The following NRXN3 variants were observed in gnomAD, a reference collection of about 807,000 sequenced individuals.
NRXN3 encodes neurexin III.
NRXN3 carries 32 observed loss-of-function variants against 137.6 expected under a neutral mutation model. The ratio of observed to expected loss-of-function variants is 0.23; its 90% CI spans 0.18 to 0.31. NRXN3 has a LOEUF of 0.31. Ranked by LOEUF, NRXN3 falls within the 10% of genes least tolerant of loss-of-function variation. The pLI, the probability that NRXN3 is intolerant of heterozygous loss-of-function variation, is 1.00. For synonymous variants in NRXN3, 798 were observed against 784.5 expected, an observed-to-expected ratio of 1.02 and a Z score of -0.29; for missense variants, 1,574 against 2,062.5, an observed-to-expected ratio of 0.76 and a Z score of 4.59.
chr14:79,703,591 C>G (rs187765987), intron 19 of NRXN3, among the ~76,000 whole-genome samples: 1 of 152,086 alleles, frequency 6.6e-6, no homozygotes, highest in Non-Finnish European at 1.5e-5. Context: ...AGGAAACTTA[C>G]AATCATGATG....
rs147058490 is a variant in NRXN3, at chr14:78,990,870, G to T, written c.3262+2729G>T. 2.8e-3 allele frequency among the ~76,000 whole-genome samples: 420 copies of T among 152,282 alleles called. 2 individuals carry two copies. Among genetic ancestry groups the T allele is most frequent in the African/African-American group, 9.2e-3 (381 of 41,556 alleles). On this transcript the variant is annotated intron_variant, in intron 15 of 20. Transcript: ENST00000335750. Reference sequence around the variant, plus strand: ...TTGGAACTAGCAGCAAAGCCAGTTTGTTCTACCTAGAAAAAGCAGTCTCAC... The same window carrying T: ...TTGGAACTAGCAGCAAAGCCAGTTTTTTCTACCTAGAAAAAGCAGTCTCAC...
chr14:78,788,462 T>A (rs993102940), intron 8 of NRXN3, among the ~76,000 whole-genome samples: 3 of 152,168 alleles, frequency 2.0e-5, no homozygotes, highest in African/African-American at 4.8e-5. Flanking sequence ...GTCTTCTGTA[T>A]TTCAGTTGAG....
chr14:79,160,644 T>A (rs967257340), intron 15 of NRXN3, among the ~76,000 whole-genome samples: 5 of 151,778 alleles, frequency 3.3e-5, no homozygotes, highest in Admixed American at 2.6e-4. Flanking sequence ...CACGAAAAAA[T>A]TATCCCAGCT....
intron 8 of NRXN3, among the ~76,000 whole-genome samples, chr14:78,802,618 C>T (rs1472564570): frequency 2.0e-5 from 3 of 152,134 alleles, no homozygotes; most frequent in African/African-American, 7.2e-5. Context: ...AACAAATTGT[C>T]GGTAACCTCA....
chr14:78,776,426 G>A (rs1027186157), intron 8 of NRXN3, among the ~76,000 whole-genome samples: 2 of 151,970 alleles, frequency 1.3e-5, no homozygotes, highest in African/African-American at 2.4e-5. Flanking sequence ...GTATAAACCC[G>A]AGCAGATAAT....
At chr14:79,067,616 C>A (rs191439255) in intron 15 of NRXN3, among the ~76,000 whole-genome samples, 1 of 152,044 alleles carries the variant, frequency 6.6e-6, no homozygotes, top group East Asian at 1.9e-4. Context: ...AGTTGGTAGG[C>A]TATTCTCTAC....
chr14:78,709,715 T>G, intron 7 of NRXN3, 60 bp downstream of exon 7: 1 of 1,485,178 alleles, frequency 6.7e-7, no homozygotes, highest in Non-Finnish European at 9.1e-7. Flanking sequence ...CTCAGTTTGT[T>G]TTTTGGCTTT....
intron 15 of NRXN3, among the ~76,000 whole-genome samples, chr14:79,170,269 T>G (rs2061654289): frequency 6.6e-6 from 1 of 152,096 alleles, no homozygotes; most frequent in Non-Finnish European, 1.5e-5. Context: ...AAACACCCAG[T>G]AAAAATGTGT....
chr14:78,251,826 T>C (rs2068674287), intron 2 of NRXN3, among the ~76,000 whole-genome samples: 1 of 152,170 alleles, frequency 6.6e-6, no homozygotes, highest in South Asian at 2.1e-4. Flanking sequence ...GAGGGTTTTT[T>C]CCCTGCTGAA....
intron 16 of NRXN3, among the ~76,000 whole-genome samples, chr14:79,643,882 T>C (rs1484128775): frequency 2.2e-5 from 3 of 135,750 alleles, no homozygotes; most frequent in Admixed American, 7.8e-5. Context: ...GTCTCCATTA[T>C]TGCCTTTACC....
At chr14:79,100,760 A>C (rs1024833315) in intron 15 of NRXN3, among the ~76,000 whole-genome samples, 4 of 152,182 alleles carry the variant, frequency 2.6e-5, no homozygotes, top group African/African-American at 9.6e-5. Context: ...TCATAGAACT[A>C]AACACCCTCA....
intron 15 of NRXN3, among the ~76,000 whole-genome samples, chr14:79,195,018 C>G (rs1259552036): frequency 6.6e-6 from 1 of 151,870 alleles, no homozygotes; most frequent in Non-Finnish European, 1.5e-5. Context: ...ACTGTCAAAA[C>G]TGGTAATTAA....
At chr14:78,549,540 T>C (rs2096666718) in intron 4 of NRXN3, among the ~76,000 whole-genome samples, 1 of 152,184 alleles carries the variant, frequency 6.6e-6, no homozygotes, top group South Asian at 2.1e-4. Context: ...GTGTTCCCAT[T>C]AGACTGTCAG....
intron 6 of NRXN3, among the ~76,000 whole-genome samples, chr14:78,670,565 C>A (rs1025233972): frequency 1.1e-4 from 17 of 152,148 alleles, no homozygotes; most frequent in African/African-American, 4.1e-4. Flanking sequence ...ACAGCAATAG[C>A]AGTTAACTTT....
At chr14:78,625,995 A>ACAAT (rs1265823636) in intron 4 of NRXN3, among the ~76,000 whole-genome samples, 1 of 152,214 alleles carries the variant, frequency 6.6e-6, no homozygotes, top group East Asian at 1.9e-4. Context: ...ACGGCTCCAC[A>ACAAT]CAATAGTCCA....
chr14:79,749,561 A>C (rs1452464964), intron 19 of NRXN3, among the ~76,000 whole-genome samples: 1 of 151,892 alleles, frequency 6.6e-6, no homozygotes, highest in Non-Finnish European at 1.5e-5. Flanking sequence ...GCCACCGTGC[A>C]GTGCCTGGTT....
At chr14:78,927,151 A>C (rs1597479293) in intron 10 of NRXN3, among the ~76,000 whole-genome samples, 1 of 54,746 alleles carries the variant, frequency 1.8e-5, no homozygotes. Flanking sequence ...TGAGACCCTC[A>C]AAAAAAAAAA....
At chr14:78,850,508 G>A (rs1246198732) in intron 10 of NRXN3, among the ~76,000 whole-genome samples, 1 of 152,090 alleles carries the variant, frequency 6.6e-6, no homozygotes, top group African/African-American at 2.4e-5. Context: ...GTATCTACAC[G>A]TATTCACTTC....
chr14:78,729,105 A>G (rs1269008892), intron 8 of NRXN3, among the ~76,000 whole-genome samples: 1 of 152,244 alleles, frequency 6.6e-6, no homozygotes, highest in Non-Finnish European at 1.5e-5. Context: ...GTAAGTGTTC[A>G]GTACATGGAG....
Sources: allele counts gnomAD v4.1 joint callset (sites outside exome capture counted in the v4.1 genomes callset), GRCh38; gene constraint gnomAD v4.1.1; transcripts MANE v1.5; gene names NCBI Gene and HGNC (gene_info 2026-07-23, HGNC 2026-07-21).